Variants in GRID2 observed in about 807,000 individuals in gnomAD.
The protein encoded by GRID2 is glutamate receptor ionotropic, delta-2.
GRID2 carries 33 observed loss-of-function variants against 114.8 expected under a neutral mutation model. The ratio of observed to expected loss-of-function variants is 0.29; its 90% CI spans 0.22 to 0.38. The LOEUF (loss-of-function observed/expected upper bound fraction) is 0.38, where lower values mean the gene tolerates loss of function less well. Ranked by LOEUF, GRID2 falls within the 10% of genes least tolerant of loss-of-function variation. The pLI is 1.00. For synonymous variants in GRID2, 505 were observed against 449.9 expected, an observed-to-expected ratio of 1.12 and a Z score of -1.55; for missense variants, 1,184 against 1,257.7, an observed-to-expected ratio of 0.94 and a Z score of 0.89.
chr4:93,687,583 A>G (rs1386841770), intron 14 of GRID2, among the ~76,000 whole-genome samples: 1 of 152,056 alleles, frequency 6.6e-6, no homozygotes, highest in Non-Finnish European at 1.5e-5. Context: ...ACTTGAAGAA[A>G]GAAATTCAAG....
At chr4:92,787,527 A>T (rs1482808060) in intron 2 of GRID2, among the ~76,000 whole-genome samples, 1 of 151,924 alleles carries the variant, frequency 6.6e-6, no homozygotes, top group Non-Finnish European at 1.5e-5. Context: ...AGGCAGGAGC[A>T]TGACTGGTGT....
At chr4:93,584,888 T>C (rs1042940008) in intron 13 of GRID2, among the ~76,000 whole-genome samples, 1 of 152,116 alleles carries the variant, frequency 6.6e-6, no homozygotes, top group African/African-American at 2.4e-5. Flanking sequence ...CCATCAAATG[T>C]CTCATAAAAT....
At chr4:92,974,907 C>G (rs1470619889) in intron 2 of GRID2, among the ~76,000 whole-genome samples, 1 of 151,740 alleles carries the variant, frequency 6.6e-6, no homozygotes, top group African/African-American at 2.4e-5. Context: ...CCTGTAATCC[C>G]AGCACTTTGG....
At position 93,720,893 on chromosome 4, in the gene GRID2, C is replaced by CGTT. The variant is rs375483957; in HGVS notation, c.2361-48303_2361-48301dup. 4.5e-4 allele frequency among the ~76,000 whole-genome samples: 69 copies of CGTT among 152,190 alleles called. 1 individual carries two copies. Among genetic ancestry groups the CGTT allele is most frequent in the Admixed American group, 3.8e-3 (58 of 15,282 alleles). ...CAGAGCATAGCAAGAACAACATATT[C>CGTT]GTTGTTGTTGTTGTTGCTGCTGCTG... On this transcript the variant is annotated intron_variant, in intron 14 of 15. Transcript: ENST00000282020.
chr4:92,326,726 G>A (rs1259416138), intron 1 of GRID2, among the ~76,000 whole-genome samples: 3 of 151,910 alleles, frequency 2.0e-5, no homozygotes, highest in Non-Finnish European at 4.4e-5. Context: ...AATAATGCTG[G>A]TGTTATACCC....
chr4:93,167,714 G>C (rs1738389147), intron 4 of GRID2, among the ~76,000 whole-genome samples: 1 of 152,006 alleles, frequency 6.6e-6, no homozygotes, highest in African/African-American at 2.4e-5. Context: ...ATTTATATAT[G>C]AGTTATTTGA....
rs1579386862 is a variant in GRID2, at chr4:93,238,574, C to T, written c.1245+84C>T. Reference sequence around the variant, plus strand: ...TTTTCCATGCAGTATGATCACAGTACCCATTAAAGTCAATATTGTAGTGTG... The same window carrying T: ...TTTTCCATGCAGTATGATCACAGTATCCATTAAAGTCAATATTGTAGTGTG... On this transcript the variant is annotated intron_variant, in intron 8 of 15. Coordinates refer to ENST00000282020, the MANE Select transcript of GRID2 (RefSeq NM_001510.4). 11 of 1,129,522 alleles carry T rather than the reference C, an allele frequency of 9.7e-6. No individual in the cohort carries two copies. The East Asian group carries it at 2.7e-4, about 28-fold the overall frequency. The allele number at this position is 1,129,522 out of a possible 1,614,324, so 70.0% of individuals were successfully genotyped here.
At position 93,773,778 on chromosome 4, in the gene GRID2, C is replaced by A. The variant is rs1000008687; in HGVS notation, c.*1280C>A. On this transcript the variant is annotated 3_prime_UTR_variant, in exon 16 of 16. Transcript: ENST00000282020. ...TATCCTAAAGAAGAAAACATAATAA[C>A]CATAATGGGCTCTCAACTCAACTCC... 3.3e-5 allele frequency: 5 copies of A among 152,046 alleles called. No individual in the cohort carries two copies. The highest frequency in any genetic ancestry group is 7.4e-5 in the Non-Finnish European group (5 of 67,980). 9.4% of individuals were successfully genotyped at this position (152,046 alleles called of 1,614,324 possible). A position where few individuals can be genotyped will look rare whatever the true frequency, so the allele number is the denominator to read the frequency against.
At chr4:92,599,028 C>CTT (rs79836874) in intron 2 of GRID2, among the ~76,000 whole-genome samples, 46 of 115,260 alleles carry the variant, frequency 4.0e-4, no homozygotes, top group African/African-American at 8.4e-4. Context: ...AATGCTTTTC[C>CTT]TTTTTTTTTT....
chr4:93,282,152 G>T (rs1752715200), intron 8 of GRID2, among the ~76,000 whole-genome samples: 1 of 151,890 alleles, frequency 6.6e-6, no homozygotes, highest in Non-Finnish European at 1.5e-5. Flanking sequence ...GTATAGAGTA[G>T]GCCACAAAGT....
chr4:93,387,138 C>G (rs1764395451), intron 8 of GRID2, among the ~76,000 whole-genome samples: 2 of 152,020 alleles, frequency 1.3e-5, no homozygotes, highest in South Asian at 4.1e-4. Flanking sequence ...TAGGAGAAAT[C>G]CTCCCAAAAG....
chr4:93,127,212 T>A (rs1359704007), intron 4 of GRID2, among the ~76,000 whole-genome samples: 1 of 152,230 alleles, frequency 6.6e-6, no homozygotes, highest in African/African-American at 2.4e-5. Flanking sequence ...TATACTATTT[T>A]TTAACATGTT....
intron 2 of GRID2, among the ~76,000 whole-genome samples, chr4:92,732,976 T>C (rs1349823119): frequency 6.6e-6 from 1 of 152,078 alleles, no homozygotes; most frequent in East Asian, 1.9e-4. Context: ...AACTTTATGA[T>C]TAATTATATG....
At chr4:93,516,385 C>T (rs1729736160) in intron 13 of GRID2, among the ~76,000 whole-genome samples, 1 of 152,058 alleles carries the variant, frequency 6.6e-6, no homozygotes, top group Non-Finnish European at 1.5e-5. Context: ...TACTATGGTC[C>T]CTAGAGTCAG....
At chr4:93,216,488 A>G (rs1478080934) in intron 5 of GRID2, among the ~76,000 whole-genome samples, 3 of 152,162 alleles carry the variant, frequency 2.0e-5, no homozygotes, top group Non-Finnish European at 4.4e-5. Flanking sequence ...TAATAACCAT[A>G]TGTAAGACAA....
intron 1 of GRID2, among the ~76,000 whole-genome samples, chr4:92,515,502 G>T (rs1488876569): frequency 6.6e-6 from 1 of 151,832 alleles, no homozygotes; most frequent in Non-Finnish European, 1.5e-5. Context: ...CAGCTCAGAA[G>T]AATCTCATTT....
intron 13 of GRID2, among the ~76,000 whole-genome samples, chr4:93,530,317 A>G (rs1731315951): frequency 6.6e-6 from 1 of 152,166 alleles, no homozygotes; most frequent in Non-Finnish European, 1.5e-5. Context: ...AAGTCTCTAT[A>G]GGTTGGTATT....
At chr4:92,527,296 G>A (rs1725090468) in intron 1 of GRID2, among the ~76,000 whole-genome samples, 1 of 152,062 alleles carries the variant, frequency 6.6e-6, no homozygotes, top group Non-Finnish European at 1.5e-5. Flanking sequence ...GCAAGAAAAT[G>A]ATTTTAAAAT....
At chr4:93,211,764 C>T (rs915027042) in intron 5 of GRID2, among the ~76,000 whole-genome samples, 1 of 152,286 alleles carries the variant, frequency 6.6e-6, no homozygotes, top group South Asian at 2.1e-4. Context: ...ATTTACATTA[C>T]ACAGGTTAGC....
Sources: allele counts gnomAD v4.1 joint callset (sites outside exome capture counted in the v4.1 genomes callset), GRCh38; gene constraint gnomAD v4.1.1; transcripts MANE v1.5; gene names NCBI Gene and HGNC (gene_info 2026-07-23, HGNC 2026-07-21).